RABGAP1: variants seen among roughly 807,000 people sequenced by gnomAD.
RABGAP1 encodes the protein RAB GTPase activating protein 1.
RABGAP1 carries 23 observed loss-of-function variants against 137.6 expected under a neutral mutation model. The ratio of observed to expected loss-of-function variants is 0.17; its 90% CI spans 0.12 to 0.24. RABGAP1 has a LOEUF of 0.24. Among genes scored for constraint, RABGAP1 ranks in the 10% least tolerant of loss-of-function variants. The pLI is 1.00. For synonymous variants in RABGAP1, 451 were observed against 450.7 expected (o/e 1.00, Z -0.01); for missense variants, 906 against 1,275.8 (o/e 0.71, Z 4.42).
rs371761695 is a variant in RABGAP1 at position 123,049,820 on chromosome 9, C to T, written c.1795-15528C>T. On this transcript the variant is annotated intron_variant, in intron 13 of 25. Coordinates refer to ENST00000373647, the MANE Select transcript of RABGAP1 (RefSeq NM_012197.4). ...CTCAAGTCTGTTGAGAAAGAGCTAC[C>T]GCTGATATACCAGGCCTTAAGCCAC... Among the ~76,000 whole-genome samples, 20 of 152,336 alleles carry T rather than the reference C, an allele frequency of 1.3e-4. No individual in the cohort carries two copies. In the East Asian group the frequency reaches 1.5e-3, roughly 12 times the overall value.
chr9:122,962,607 A>G (rs1435073428), intron 2 of RABGAP1, among the ~76,000 whole-genome samples: 1 of 152,174 alleles, frequency 6.6e-6, no homozygotes, highest in Non-Finnish European at 1.5e-5. Flanking sequence ...GAAAAAAATC[A>G]TCAAAGAAAT....
intron 14 of RABGAP1, among the ~76,000 whole-genome samples, chr9:123,067,813 A>G (rs1465695167): frequency 3.3e-5 from 5 of 152,164 alleles, no homozygotes; most frequent in African/African-American, 1.2e-4. Context: ...CATTTTCCAA[A>G]TGTATCATAT....
chr9:123,032,202 C>T (rs1759251635), intron 13 of RABGAP1, among the ~76,000 whole-genome samples: 1 of 152,192 alleles, frequency 6.6e-6, no homozygotes, highest in African/African-American at 2.4e-5. Context: ...TATATACCCC[C>T]TCTGTGCTAG....
intron 13 of RABGAP1, among the ~76,000 whole-genome samples, chr9:123,051,368 C>T (rs2033463158): frequency 6.6e-6 from 1 of 151,474 alleles, no homozygotes; most frequent in Non-Finnish European, 1.5e-5. Context: ...CTGCCTCAGC[C>T]TTCTGAGTTG....
At chr9:123,069,696 C>A (rs573833267) in intron 14 of RABGAP1, among the ~76,000 whole-genome samples, 1 of 152,016 alleles carries the variant, frequency 6.6e-6, no homozygotes, top group Non-Finnish European at 1.5e-5. Context: ...GCCTGGGCAA[C>A]GTAGTTGAGA....
chr9:123,011,142 T>TA (rs1462497259), intron 11 of RABGAP1, among the ~76,000 whole-genome samples: 1 of 152,152 alleles, frequency 6.6e-6, no homozygotes, highest in Admixed American at 6.5e-5. Context: ...ATTTCTAACT[T>TA]ACTACCAGGG....
Position 123,076,780 on chromosome 9 carries a change from T to C in RABGAP1, c.2424+18T>C. 1 of 1,549,646 alleles carries C rather than the reference T, an allele frequency of 6.5e-7. No individual in the cohort carries two copies. The highest frequency in any genetic ancestry group is 8.7e-7 in the Non-Finnish European group (1 of 1,147,862). On this transcript the variant is annotated intron_variant, in intron 19 of 25. Coordinates refer to ENST00000373647, the MANE Select transcript of RABGAP1 (RefSeq NM_012197.4). ...ACATGAAGGTAAAATAATTTTGCATTAGTTAAGATTCTGTTTTTCACTTAG... is the reference window on the plus strand; with the variant it reads ...ACATGAAGGTAAAATAATTTTGCATCAGTTAAGATTCTGTTTTTCACTTAG...
chr9:123,079,307 T>G (rs941459971), intron 19 of RABGAP1, among the ~76,000 whole-genome samples: 6 of 149,988 alleles, frequency 4.0e-5, no homozygotes, highest in African/African-American at 1.5e-4. Context: ...TGGCGCAATC[T>G]CAGCTCACTG....
intron 1 of RABGAP1, among the ~76,000 whole-genome samples, chr9:122,955,992 A>G (rs1834495469): frequency 6.6e-6 from 1 of 152,222 alleles, no homozygotes; most frequent in African/African-American, 2.4e-5. Flanking sequence ...AAGTTTGCAG[A>G]ACTAGGTTTT....
chr9:122,968,806 G>A (rs1163421924), intron 2 of RABGAP1, among the ~76,000 whole-genome samples: 1 of 151,924 alleles, frequency 6.6e-6, no homozygotes, highest in Non-Finnish European at 1.5e-5. Flanking sequence ...GTAGAGACGG[G>A]GTTTTGCCAT....
At chr9:123,102,592 A>T (rs1254576705) in intron 25 of RABGAP1, among the ~76,000 whole-genome samples, 1 of 152,170 alleles carries the variant, frequency 6.6e-6, no homozygotes. Context: ...GAGAGAGAAC[A>T]GTGGCAATTC....
In RABGAP1 at chr9:122,973,993, G is replaced by A. The variant is rs956883991; in HGVS notation, c.151-10492G>A. Among the ~76,000 whole-genome samples the A allele has an allele frequency of 5.3e-4, 79 of 147,912 alleles. 1 individual carries two copies. Among genetic ancestry groups the A allele is most frequent in the African/African-American group, 2.0e-4 (8 of 40,514 alleles). ...CTGCACTCCAGCCTGGGCGACGAGC[G>A]AAACTTCGTCTCAAACCAAAAAAAA... is the stretch of plus-strand genomic sequence containing the variant. On this transcript the variant is annotated intron_variant, in intron 2 of 25. Coordinates refer to ENST00000373647, the MANE Select transcript of RABGAP1 (RefSeq NM_012197.4).
intron 21 of RABGAP1, among the ~76,000 whole-genome samples, chr9:123,095,497 C>G (rs572503277): frequency 6.6e-4 from 101 of 152,178 alleles, no homozygotes; most frequent in South Asian, 4.0e-3. Context: ...CCCAAGAGTT[C>G]AAGACCAGCC....
At chr9:122,993,236 T>C (rs1165500723) in intron 6 of RABGAP1, among the ~76,000 whole-genome samples, 1 of 152,150 alleles carries the variant, frequency 6.6e-6, no homozygotes, top group Non-Finnish European at 1.5e-5. Flanking sequence ...TAATTAATGC[T>C]CTTCTCATTT....
At chr9:122,989,784 T>G (rs1262635020) in intron 5 of RABGAP1, 5 of 514,366 alleles carry the variant, frequency 9.7e-6, no homozygotes, top group Non-Finnish European at 6.8e-6. Flanking sequence ...AGGACTGTTT[T>G]CATTGTAATA....
intron 2 of RABGAP1, among the ~76,000 whole-genome samples, chr9:122,958,736 T>G (rs998743766): frequency 1.3e-5 from 2 of 152,042 alleles, no homozygotes; most frequent in Non-Finnish European, 2.9e-5. Flanking sequence ...TTGCCAGGTG[T>G]TGTGGCTCAC....
chr9:122,949,074 G>A (rs947455364), intron 1 of RABGAP1, among the ~76,000 whole-genome samples: 4 of 152,114 alleles, frequency 2.6e-5, no homozygotes, highest in African/African-American at 7.2e-5. Context: ...TCAATATAGC[G>A]GAGTAGAAAA....
rs2032188254 is a variant in RABGAP1, at chr9:123,029,649, C to G, written c.1794+9190C>G. On this transcript the variant is annotated intron_variant, in intron 13 of 25. Transcript: ENST00000373647. Reference sequence around the variant, plus strand: ...GCTTGTCCCTAACTTTGCCTTTGGACCATTTCTTCTTTTTGGCCTTGCCCC... The same window carrying G: ...GCTTGTCCCTAACTTTGCCTTTGGAGCATTTCTTCTTTTTGGCCTTGCCCC... 7.0e-6 allele frequency: 5 copies of G among 716,960 alleles called. No homozygotes were observed. In the Admixed American group the frequency reaches 8.8e-5, roughly 13 times the overall value. 44.4% of individuals were successfully genotyped at this position (716,960 alleles called of 1,614,324 possible). A position where few individuals can be genotyped will look rare whatever the true frequency, so the allele number is the denominator to read the frequency against.
At chr9:122,974,897 AT>A (rs1835684644) in intron 2 of RABGAP1, among the ~76,000 whole-genome samples, 1 of 152,242 alleles carries the variant, frequency 6.6e-6, no homozygotes, top group South Asian at 2.1e-4. Flanking sequence ...AAATTTACTG[AT>A]TTAACAAAGA....
Sources: gnomAD v4.1 joint callset for allele counts (sites outside exome capture counted in the v4.1 genomes callset) on GRCh38, gnomAD v4.1.1 for gene constraint, MANE v1.5 for transcripts, NCBI Gene and HGNC (gene_info 2026-07-23, HGNC 2026-07-21) for gene names.